The following CMTM8 variants were observed in gnomAD, a reference collection of about 807,000 sequenced individuals.
The protein encoded by CMTM8 is CKLF like MARVEL transmembrane domain containing 8.
Under a neutral mutation model 18.6 loss-of-function variants are expected in CMTM8, and 12 were observed. That is an observed-to-expected ratio of 0.65 (90% CI 0.41 to 1.05). CMTM8 has a LOEUF of 1.05. CMTM8 is among the 50% of genes least tolerant of loss of function. The probability of loss-of-function intolerance (pLI) is 0.00; values close to 1 mark genes in which losing one functional copy is unlikely to be tolerated. For missense variants in CMTM8, 217 were observed against 227.2 expected (o/e 0.95, Z 0.29); for synonymous variants, 87 against 90.6 (o/e 0.96, Z 0.23).
At chr3:32,311,027 A>G (rs575722593) in intron 1 of CMTM8, among the ~76,000 whole-genome samples, 1 of 152,322 alleles carries the variant, frequency 6.6e-6, no homozygotes, top group Admixed American at 6.5e-5. Context: ...AGCAATGTAA[A>G]TTACTAATGT....
At chr3:32,247,586 C>G (rs932891637) in intron 1 of CMTM8, among the ~76,000 whole-genome samples, 2 of 151,870 alleles carry the variant, frequency 1.3e-5, no homozygotes, top group Non-Finnish European at 2.9e-5. Flanking sequence ...TCGACCTCCC[C>G]AAGTGCTGAG....
intron 1 of CMTM8, among the ~76,000 whole-genome samples, chr3:32,319,074 A>ATATATATATATATATATTTTTTTT: frequency 7.0e-4 from 22 of 31,524 alleles, no homozygotes; most frequent in East Asian, 4.7e-3. Flanking sequence ...ATATATATAT[A>ATATATATATATATATATTTTTTTT]TTTTTTTTTT....
intron 1 of CMTM8, among the ~76,000 whole-genome samples, chr3:32,356,163 C>G (rs1414687091): frequency 1.3e-5 from 2 of 152,222 alleles, no homozygotes; most frequent in Non-Finnish European, 2.9e-5. Context: ...TAAAGGAAAT[C>G]TGTCTTCCGA....
At chr3:32,321,126 AG>A (rs1696039821) in intron 1 of CMTM8, among the ~76,000 whole-genome samples, 2 of 152,080 alleles carry the variant, frequency 1.3e-5, no homozygotes, top group South Asian at 4.2e-4. Flanking sequence ...TCAAGCAGAC[AG>A]GGTTTAAAAA....
intron 1 of CMTM8, among the ~76,000 whole-genome samples, chr3:32,356,326 T>G (rs1014815880): frequency 3.9e-5 from 6 of 152,202 alleles, no homozygotes; most frequent in African/African-American, 1.4e-4. Context: ...CCTGGGCATG[T>G]GGTTCACATC....
At chr3:32,339,439 C>T (rs528253465) in intron 1 of CMTM8, among the ~76,000 whole-genome samples, 4 of 152,294 alleles carry the variant, frequency 2.6e-5, no homozygotes, top group Admixed American at 6.5e-5. Flanking sequence ...TGCCCATCTT[C>T]ATGCTGTGTT....
intron 1 of CMTM8, among the ~76,000 whole-genome samples, chr3:32,269,474 T>G (rs1004001326): frequency 6.6e-6 from 1 of 152,230 alleles, no homozygotes; most frequent in African/African-American, 2.4e-5. Context: ...ATTTTTAAAC[T>G]TCCTTTTATG....
intron 1 of CMTM8, among the ~76,000 whole-genome samples, chr3:32,282,612 G>A (rs574423664): frequency 7.2e-5 from 11 of 151,804 alleles, no homozygotes; most frequent in African/African-American, 2.2e-4. Context: ...GCCTATAACC[G>A]ACCCCCTACA....
chr3:32,319,072 ATATT>A (rs200295435), intron 1 of CMTM8, among the ~76,000 whole-genome samples: 1 of 24,418 alleles, frequency 4.1e-5, no homozygotes, highest in Non-Finnish European at 7.4e-5. Context: ...ATATATATAT[ATATT>A]TTTTTTTTTT....
chr3:32,300,472 C>G (rs1695591860), intron 1 of CMTM8, among the ~76,000 whole-genome samples: 2 of 152,100 alleles, frequency 1.3e-5, no homozygotes, highest in African/African-American at 4.8e-5. Context: ...ATTCTAATAT[C>G]TGTGCTTGCC....
At chr3:32,355,690 G>A (rs1285533404) in intron 1 of CMTM8, among the ~76,000 whole-genome samples, 2 of 152,074 alleles carry the variant, frequency 1.3e-5, no homozygotes, top group Non-Finnish European at 2.9e-5. Context: ...ACTGCCCTTC[G>A]GATAAAGCAC....
At chr3:32,301,558 G>C (rs1695619222) in intron 1 of CMTM8, among the ~76,000 whole-genome samples, 1 of 151,978 alleles carries the variant, frequency 6.6e-6, no homozygotes, top group Non-Finnish European at 1.5e-5. Flanking sequence ...GGATGAAGAG[G>C]GATAGGGGAG....
At position 32,298,814 on chromosome 3, in the gene CMTM8, T is replaced by TAC. The variant is rs1276977050; in HGVS notation, c.148-58556_148-58555dup. Among the ~76,000 whole-genome samples, 16 of 125,166 alleles carry TAC rather than the reference T, an allele frequency of 1.3e-4. No homozygotes were observed. In the South Asian group the frequency reaches 3.6e-3, roughly 28 times the overall value. 82.1% of individuals were successfully genotyped at this position (125,166 alleles called of 152,430 possible). A position where few individuals can be genotyped will look rare whatever the true frequency, so the allele number is the denominator to read the frequency against. On this transcript the variant is annotated intron_variant, in intron 1 of 3. Transcript: ENST00000307526. ...CACCCAGCTAATATATATATATATATACACGTGTGTATGTGTATATATATG... is the reference window on the plus strand; with the variant it reads ...CACCCAGCTAATATATATATATATATACACACGTGTGTATGTGTATATATATG...
chr3:32,309,334 G>A (rs1452249758), intron 1 of CMTM8, among the ~76,000 whole-genome samples: 4 of 130,854 alleles, frequency 3.1e-5, no homozygotes, highest in Non-Finnish European at 4.7e-5. Context: ...TCGAGACAGA[G>A]TCTTGCCCTG....
intron 1 of CMTM8, among the ~76,000 whole-genome samples, chr3:32,345,586 G>A (rs1204033649): frequency 6.6e-6 from 1 of 152,096 alleles, no homozygotes; most frequent in African/African-American, 2.4e-5. Flanking sequence ...TTGTTCACAG[G>A]AGAGGTTGGA....
At chr3:32,334,929 G>A (rs1440889415) in intron 1 of CMTM8, among the ~76,000 whole-genome samples, 1 of 152,120 alleles carries the variant, frequency 6.6e-6, no homozygotes, top group East Asian at 1.9e-4. Context: ...CAGAAGGTGA[G>A]GCCAAGGGTC....
intron 1 of CMTM8, among the ~76,000 whole-genome samples, chr3:32,255,761 G>T (rs748430592): frequency 3.3e-5 from 5 of 152,026 alleles, no homozygotes; most frequent in Non-Finnish European, 7.4e-5. Flanking sequence ...ATCTCACCAT[G>T]CCACCCAGGA....
intron 1 of CMTM8, among the ~76,000 whole-genome samples, chr3:32,248,915 T>A (rs1702078804): frequency 6.6e-6 from 1 of 151,780 alleles, no homozygotes; most frequent in South Asian, 2.1e-4. Context: ...CTCACAGTAC[T>A]GGATTACAGT....
At chr3:32,281,889 T>C (rs1702615092) in intron 1 of CMTM8, among the ~76,000 whole-genome samples, 1 of 152,204 alleles carries the variant, frequency 6.6e-6, no homozygotes, top group African/African-American at 2.4e-5. Flanking sequence ...TTTTTTTTCT[T>C]ATCTCACTGG....
Sources: gnomAD v4.1 joint callset for allele counts (sites outside exome capture counted in the v4.1 genomes callset) on GRCh38, gnomAD v4.1.1 for gene constraint, MANE v1.5 for transcripts, NCBI Gene and HGNC (gene_info 2026-07-23, HGNC 2026-07-21) for gene names.